Variants in CCDC148 observed in about 807,000 individuals in gnomAD.
CCDC148 encodes coiled-coil domain-containing protein 148.
In CCDC148, 89 loss-of-function variants were observed where a neutral mutation model predicts 85.7. The observed-to-expected ratio is 1.04, with a 90% CI of 0.87 to 1.24. The LOEUF (loss-of-function observed/expected upper bound fraction) is 1.24. Among genes scored for constraint, CCDC148 ranks in the 50% most tolerant of loss-of-function variants. The pLI, the probability that CCDC148 is intolerant of heterozygous loss-of-function variation, is 0.00. For missense variants in CCDC148, 692 were observed against 671.7 expected, an observed-to-expected ratio of 1.03 and a Z score of -0.33; for synonymous variants, 230 against 213.9, an observed-to-expected ratio of 1.08 and a Z score of -0.66.
intron 1 of CCDC148, among the ~76,000 whole-genome samples, chr2:158,454,200 C>G (rs1688511896): frequency 6.6e-6 from 1 of 152,098 alleles, no homozygotes; most frequent in Admixed American, 6.6e-5. Flanking sequence ...GTAGAAACCT[C>G]AAGAAATTCC....
chr2:158,429,411 T>C (rs1687236565), intron 1 of CCDC148, among the ~76,000 whole-genome samples: 1 of 149,372 alleles, frequency 6.7e-6, no homozygotes, highest in South Asian at 2.2e-4. Flanking sequence ...ATAGGAATAC[T>C]TAGAACTAAG....
chr2:158,403,389 A>T (rs1214314974), intron 1 of CCDC148, among the ~76,000 whole-genome samples: 1 of 152,016 alleles, frequency 6.6e-6, no homozygotes, highest in Non-Finnish European at 1.5e-5. Flanking sequence ...CACACCATAC[A>T]TACAGACACC....
chr2:158,398,363 C>A (rs1176897743), intron 1 of CCDC148, among the ~76,000 whole-genome samples: 1 of 152,056 alleles, frequency 6.6e-6, no homozygotes, highest in Admixed American at 6.6e-5. Flanking sequence ...CTAAAATTGA[C>A]CACATAGTTG....
At chr2:158,236,380 G>C (rs1559007176) in intron 10 of CCDC148, among the ~76,000 whole-genome samples, 2 of 152,112 alleles carry the variant, frequency 1.3e-5, no homozygotes, top group Non-Finnish European at 2.9e-5. Context: ...TCTTCTTTAG[G>C]AGGAAGGTCT....
chr2:158,382,367 G>C (rs558853192), intron 1 of CCDC148, among the ~76,000 whole-genome samples: 1 of 152,152 alleles, frequency 6.6e-6, no homozygotes, highest in South Asian at 2.1e-4. Context: ...AGGGCTGAGA[G>C]GGAAAGTGAG....
chr2:158,441,211 T>A (rs1687917312), intron 1 of CCDC148, among the ~76,000 whole-genome samples: 1 of 152,170 alleles, frequency 6.6e-6, no homozygotes, highest in African/African-American at 2.4e-5. Flanking sequence ...TGGATCACGC[T>A]ACAGTCCCAG....
chr2:158,202,737 C>T (rs547844113), intron 11 of CCDC148, among the ~76,000 whole-genome samples: 34 of 152,306 alleles, frequency 2.2e-4, no homozygotes, highest in African/African-American at 8.2e-4. Flanking sequence ...TTCTACACAA[C>T]ACAAATTCTT....
chr2:158,331,938 G>C (rs1693151549), intron 7 of CCDC148, among the ~76,000 whole-genome samples: 1 of 152,066 alleles, frequency 6.6e-6, no homozygotes. Flanking sequence ...ACAGCACACT[G>C]ATGGGTCTTG....
At position 158,250,467 on chromosome 2, in the gene CCDC148, C is replaced by A. The variant is rs76102301; in HGVS notation, c.1251+305G>T. On this transcript the variant is annotated intron_variant, in intron 10 of 13. Transcript: ENST00000283233. ...CACAGTACCCTCTCATTTTTTGCCA[C>A]GTCCCTATTTATTACAAGATTTAAC... 2.2e-4 allele frequency among the ~76,000 whole-genome samples: 34 copies of A among 151,448 alleles called. 1 individual carries two copies. In the East Asian group the frequency reaches 5.9e-3, roughly 26 times the overall value.
intron 7 of CCDC148, among the ~76,000 whole-genome samples, chr2:158,324,754 A>G (rs1416197468): frequency 6.6e-6 from 1 of 152,150 alleles, no homozygotes; most frequent in Non-Finnish European, 1.5e-5. Flanking sequence ...AAAATTGAGT[A>G]TTTTTTAAAT....
chr2:158,399,812 T>C (rs1685694969), intron 1 of CCDC148, among the ~76,000 whole-genome samples: 1 of 152,084 alleles, frequency 6.6e-6, no homozygotes, highest in Non-Finnish European at 1.5e-5. Context: ...GGGTATTCGA[T>C]TAGGAAAAGA....
At chr2:158,188,117 G>C (rs1451466049) in intron 11 of CCDC148, among the ~76,000 whole-genome samples, 1 of 151,950 alleles carries the variant, frequency 6.6e-6, no homozygotes, top group East Asian at 1.9e-4. Context: ...CTAAGATCAT[G>C]TCTGCTCAAT....
At position 158,250,872 on chromosome 2, in the gene CCDC148, AGT is replaced by A. The variant is rs781524544; in HGVS notation, c.1149_1150del (p.Arg383SerfsTer66). On this transcript the variant is annotated frameshift_variant, in exon 10 of 14. Transcript: ENST00000283233. LOFTEE classifies it high-confidence loss of function. ...TCTTCTGGCAGAAATTTCCATTTCCAGTCTTGCTACCTCTTCTTGGTGGGCTC... is the reference window on the plus strand; with the variant it reads ...TCTTCTGGCAGAAATTTCCATTTCCACTTGCTACCTCTTCTTGGTGGGCTC... 5 of 1,606,466 alleles carry A rather than the reference AGT, an allele frequency of 3.1e-6. No homozygotes were observed. The African/African-American group carries it at 5.4e-5, about 17-fold the overall frequency.
At chr2:158,276,110 A>T (rs915415906) in intron 9 of CCDC148, among the ~76,000 whole-genome samples, 13 of 152,162 alleles carry the variant, frequency 8.5e-5, no homozygotes, top group African/African-American at 3.1e-4. Flanking sequence ...TCAGGTCAGG[A>T]TGAGACACTG....
Position 158,251,468 on chromosome 2 carries a change from T to C in CCDC148, c.1111-556A>G, listed in dbSNP as rs188613958. Among the ~76,000 whole-genome samples, 95 of 151,946 alleles carry C rather than the reference T, an allele frequency of 6.3e-4. 1 individual carries two copies. The highest frequency in any genetic ancestry group is 2.0e-3 in the African/African-American group (82 of 41,514). On this transcript the variant is annotated intron_variant, in intron 9 of 13. Transcript: ENST00000283233. ...CCTTTCTATTGGGTATTAGGTAATA[T>C]GTAAATATGCGTCACAATATAAAAA... is the stretch of plus-strand genomic sequence containing the variant.
At chr2:158,351,626 C>A (rs976781136) in intron 2 of CCDC148, among the ~76,000 whole-genome samples, 2 of 152,214 alleles carry the variant, frequency 1.3e-5, no homozygotes, top group African/African-American at 4.8e-5. Context: ...GATCAAACTG[C>A]AAGGCGGCAG....
At chr2:158,452,712 C>A (rs922715238) in intron 1 of CCDC148, among the ~76,000 whole-genome samples, 6 of 152,218 alleles carry the variant, frequency 3.9e-5, no homozygotes, top group Non-Finnish European at 5.9e-5. Flanking sequence ...TGGCTCAGGT[C>A]TCCCCACAGG....
At chr2:158,382,546 G>A (rs1353486334) in intron 1 of CCDC148, among the ~76,000 whole-genome samples, 1 of 152,084 alleles carries the variant, frequency 6.6e-6, no homozygotes, top group Non-Finnish European at 1.5e-5. Context: ...TTTTATAACT[G>A]CTAAGGCTAG....
At chr2:158,424,090 G>A (rs145242800) in intron 1 of CCDC148, among the ~76,000 whole-genome samples, 1,666 of 152,316 alleles carry the variant, frequency 0.011, 22 homozygotes, top group African/African-American at 0.037. Context: ...AGGATGTGGA[G>A]AAATAGGAAC....
Sources: gnomAD v4.1 joint callset for allele counts (sites outside exome capture counted in the v4.1 genomes callset) on GRCh38, gnomAD v4.1.1 for gene constraint, MANE v1.5 for transcripts, NCBI Gene and HGNC (gene_info 2026-07-23, HGNC 2026-07-21) for gene names.